Variants in CDH23 observed in about 807,000 individuals in gnomAD.
CDH23 encodes cadherin related 23.
Under a neutral mutation model 317.1 loss-of-function variants are expected in CDH23, and 189 were observed. The ratio of observed to expected loss-of-function variants is 0.60; its 90% CI spans 0.53 to 0.67. The LOEUF is 0.67. Among genes scored for constraint, CDH23 ranks in the 30% least tolerant of loss-of-function variants. CDH23 has a pLI of 0.00. For missense variants in CDH23, 4,401 were observed against 4,592.4 expected (o/e 0.96, Z 1.20); for synonymous variants, 1,839 against 1,876.8 (o/e 0.98, Z 0.52).
chr10:71,652,857 G>C (rs570752895), intron 14 of CDH23, among the ~76,000 whole-genome samples: 1 of 152,356 alleles, frequency 6.6e-6, no homozygotes, highest in Admixed American at 6.5e-5. Context: ...GTCCCAGTGA[G>C]ATGACTGGGC....
At chr10:71,583,775 T>G (rs1858827080) in intron 9 of CDH23, among the ~76,000 whole-genome samples, 2 of 152,138 alleles carry the variant, frequency 1.3e-5, no homozygotes, top group African/African-American at 4.8e-5. Flanking sequence ...GGACACAAGT[T>G]ATCCCTCAAA....
chr10:71,445,594 T>C (rs1273777335), intron 2 of CDH23, among the ~76,000 whole-genome samples: 1 of 152,260 alleles, frequency 6.6e-6, no homozygotes, highest in Admixed American at 6.5e-5. Flanking sequence ...ATCTCAGCAC[T>C]TTAGGAGGCC....
At chr10:71,707,087 TG>T in intron 26 of CDH23, 38 bp downstream of exon 26, 2 of 1,579,456 alleles carry the variant, frequency 1.3e-6, no homozygotes, top group Non-Finnish European at 1.7e-6. Flanking sequence ...GCAGGCCTCC[TG>T]GGGCCCTGCC....
At chr10:71,802,617 G>C (rs1031133416) in intron 53 of CDH23, among the ~76,000 whole-genome samples, 12 of 152,210 alleles carry the variant, frequency 7.9e-5, no homozygotes, top group Admixed American at 3.3e-4. Flanking sequence ...TTCTGCTTCA[G>C]GGCCCAGGTG....
At chr10:71,597,661 G>T (rs1859950229) in intron 9 of CDH23, among the ~76,000 whole-genome samples, 1 of 152,060 alleles carries the variant, frequency 6.6e-6, no homozygotes, top group Non-Finnish European at 1.5e-5. Flanking sequence ...TGGCCCTGGG[G>T]GTCAGGGTAG....
At chr10:71,608,755 C>T (rs1264195671) in intron 9 of CDH23, among the ~76,000 whole-genome samples, 2 of 152,232 alleles carry the variant, frequency 1.3e-5, no homozygotes, top group East Asian at 3.9e-4. Context: ...GAGCCCAGCA[C>T]TCAAGGGCTC....
At chr10:71,527,085 C>A (rs998473487) in intron 6 of CDH23, among the ~76,000 whole-genome samples, 2 of 152,210 alleles carry the variant, frequency 1.3e-5, no homozygotes, top group Non-Finnish European at 2.9e-5. Flanking sequence ...CTCCCACCAC[C>A]CCTCTCTCCA....
At chr10:71,430,634 C>A (rs1031032835) in intron 1 of CDH23, among the ~76,000 whole-genome samples, 5 of 152,130 alleles carry the variant, frequency 3.3e-5, no homozygotes, top group Admixed American at 1.3e-4. Flanking sequence ...ATGATGAAAT[C>A]CCGTCTCTAC....
At chr10:71,434,814 C>A (rs1849546985) in intron 1 of CDH23, among the ~76,000 whole-genome samples, 1 of 152,170 alleles carries the variant, frequency 6.6e-6, no homozygotes. Context: ...ATGGAGCATG[C>A]ATTCTCCTAT....
chr10:71,568,704 G>A (rs1198662329), intron 7 of CDH23, among the ~76,000 whole-genome samples: 2 of 152,116 alleles, frequency 1.3e-5, no homozygotes, highest in African/African-American at 4.8e-5. Flanking sequence ...GGAGATTCTC[G>A]GCCTGGCATT....
chr10:71,622,691 C>A (rs1041701409), intron 11 of CDH23, among the ~76,000 whole-genome samples: 1 of 152,224 alleles, frequency 6.6e-6, no homozygotes, highest in South Asian at 2.1e-4. Context: ...ATACCATTTG[C>A]GGATGTCCTG....
intron 44 of CDH23, among the ~76,000 whole-genome samples, chr10:71,786,073 C>A (rs1264929267): frequency 1.3e-5 from 2 of 152,336 alleles, no homozygotes; most frequent in Non-Finnish European, 2.9e-5. Flanking sequence ...GTTTCCTCCC[C>A]AAACCACTGA....
rs1242410489 is a variant in CDH23, at chr10:71,590,897, CAAA to C, written c.832+12912_832+12914del. 1.6e-3 allele frequency among the ~76,000 whole-genome samples: 118 copies of C among 72,224 alleles called. 1 individual carries two copies. The highest frequency in any genetic ancestry group is 6.3e-3 in the Middle Eastern group (1 of 160). The allele number at this position is 72,224 out of a possible 152,430, so 47.4% of individuals were successfully genotyped here. Reference sequence around the variant, plus strand: ...CTAAAAAAAAAAAAACAAAAAAAAACAAAAAAAAACACCAGTCTCTTCTCTAGG... The same window carrying C: ...CTAAAAAAAAAAAAACAAAAAAAAACAAAAAACACCAGTCTCTTCTCTAGG... On this transcript the variant is annotated intron_variant, in intron 9 of 69. Coordinates refer to ENST00000224721, the MANE Select transcript of CDH23 (RefSeq NM_022124.6).
intron 3 of CDH23, among the ~76,000 whole-genome samples, chr10:71,462,519 T>C (rs1040813220): frequency 1.3e-5 from 2 of 152,204 alleles, no homozygotes; most frequent in African/African-American, 4.8e-5. Flanking sequence ...ACACTCACAG[T>C]GTGACGTGAG....
At chr10:71,431,533 C>T (rs753037299) in intron 1 of CDH23, among the ~76,000 whole-genome samples, 17 of 152,356 alleles carry the variant, frequency 1.1e-4, no homozygotes, top group East Asian at 5.8e-4. Flanking sequence ...CTTGCACGCA[C>T]GAACCTCTCT....
At chr10:71,552,988 C>T (rs757444643) in intron 6 of CDH23, among the ~76,000 whole-genome samples, 35 of 152,312 alleles carry the variant, frequency 2.3e-4, no homozygotes, top group South Asian at 1.7e-3. Context: ...TCCCCCCACT[C>T]CCAGCTTCAG....
chr10:71,602,005 T>C (rs1187207358), intron 9 of CDH23, among the ~76,000 whole-genome samples: 1 of 150,938 alleles, frequency 6.6e-6, no homozygotes, highest in Non-Finnish European at 1.5e-5. Flanking sequence ...TCAAGGTCGG[T>C]CATTCGGGCT....
chr10:71,606,530 T>C (rs61851974), intron 9 of CDH23, among the ~76,000 whole-genome samples: 29,996 of 152,160 alleles, frequency 0.2, 4,269 homozygotes, highest in African/African-American at 0.4. Flanking sequence ...CAGACATTCC[T>C]GCTGTGGCCC....
At position 71,803,231 on chromosome 10, in the gene CDH23, C is replaced by T. The variant is rs780724904; in HGVS notation, c.7683C>T (p.Asp2561=). The T allele has an allele frequency of 5.0e-6, 8 of 1,603,670 alleles. No individual in the cohort carries two copies. Among genetic ancestry groups the T allele is most frequent in the Non-Finnish European group, 5.1e-6 (6 of 1,174,646 alleles). ...PGVEAFHVDM[D]SGLVTTQRPL... is the part of the protein sequence containing the mutation. Reference sequence around the variant, plus strand: ...CAGAGGCCTTCCATGTGGACATGGACTCGGGCTTGGTGACCACACAGCGGC... The same window carrying T: ...CAGAGGCCTTCCATGTGGACATGGATTCGGGCTTGGTGACCACACAGCGGC... Residue 2561 remains aspartate (D), a synonymous_variant, in exon 55 of 70, where the codon GAC becomes GAT. Transcript: ENST00000224721.
Sources: gnomAD v4.1 joint callset for allele counts (sites outside exome capture counted in the v4.1 genomes callset) on GRCh38, gnomAD v4.1.1 for gene constraint, MANE v1.5 for transcripts, NCBI Gene and HGNC (gene_info 2026-07-23, HGNC 2026-07-21) for gene names.